Variants in ADARB2 observed in about 807,000 individuals in gnomAD.
ADARB2 encodes adenosine deaminase RNA specific B2 (inactive).
ADARB2 carries 25 observed loss-of-function variants against 62.2 expected under a neutral mutation model. The observed-to-expected ratio is 0.40, with a 90% CI of 0.29 to 0.56. ADARB2 has a LOEUF of 0.56. Ranked by LOEUF, ADARB2 falls within the 20% of genes least tolerant of loss-of-function variation. The pLI is 0.43. For missense variants in ADARB2, 1,071 were observed against 1,077.4 expected (o/e 0.99, Z 0.08); for synonymous variants, 572 against 500.8 (o/e 1.14, Z -1.90).
At chr10:1,274,727 A>G (rs1037785035) in intron 3 of ADARB2, among the ~76,000 whole-genome samples, 1 of 152,234 alleles carries the variant, frequency 6.6e-6, no homozygotes, top group Non-Finnish European at 1.5e-5. Context: ...CTGCCCAGGA[A>G]GGTGCCAATA....
intron 1 of ADARB2, among the ~76,000 whole-genome samples, chr10:1,585,990 C>T (rs1230494366): frequency 5.3e-5 from 8 of 152,120 alleles, no homozygotes; most frequent in African/African-American, 7.2e-5. Context: ...GCCAAGATAG[C>T]GCCACTGCAC....
At position 1,582,433 on chromosome 10, in the gene ADARB2, G is replaced by T. The variant is rs117863632; in HGVS notation, c.100+154618C>A. Among the ~76,000 whole-genome samples the T allele has an allele frequency of 2.0e-3, 299 of 152,268 alleles. 1 individual carries two copies. Among genetic ancestry groups the T allele is most frequent in the South Asian group, 0.015 (70 of 4,816 alleles). ...GCCTTAGGAAGCAAAATCCATCCTC[G>T]TGCTGCCCTGGTTTCCCTGGCAGTG... On this transcript the variant is annotated intron_variant, in intron 1 of 9. Coordinates refer to ENST00000381312, the MANE Select transcript of ADARB2 (RefSeq NM_018702.4).
intron 1 of ADARB2, among the ~76,000 whole-genome samples, chr10:1,705,868 A>G (rs533111026): frequency 1.1e-4 from 16 of 150,796 alleles, no homozygotes; most frequent in African/African-American, 3.9e-4. Flanking sequence ...GCTTTGATTG[A>G]TTTTTTTTTT....
At chr10:1,196,078 C>T (rs191658963) in intron 8 of ADARB2, among the ~76,000 whole-genome samples, 8 of 152,240 alleles carry the variant, frequency 5.3e-5, no homozygotes, top group African/African-American at 1.9e-4. Context: ...TCCCAAAACC[C>T]TGTGGGAGCC....
In ADARB2 at chr10:1,671,611, C is replaced by T. The variant is rs912114495; in HGVS notation, c.100+65440G>A. Among the ~76,000 whole-genome samples the T allele has an allele frequency of 2.6e-5, 4 of 152,164 alleles. No individual in the cohort carries two copies. The East Asian group carries it at 7.7e-4, about 29-fold the overall frequency. On this transcript the variant is annotated intron_variant, in intron 1 of 9. Coordinates refer to ENST00000381312, the MANE Select transcript of ADARB2 (RefSeq NM_018702.4). ...CCTCGTGCTTCTCTGGATTCTGTCA[C>T]CTGTTCCAGTCCTGGGAATGGGCTG...
At chr10:1,678,437 A>G (rs1326091502) in intron 1 of ADARB2, 4 of 708,018 alleles carry the variant, frequency 5.6e-6, no homozygotes, top group African/African-American at 3.9e-5. Context: ...CACTCAGGAC[A>G]GTAACGAACA....
chr10:1,388,286 C>T (rs778491538), intron 1 of ADARB2, among the ~76,000 whole-genome samples: 29 of 152,144 alleles, frequency 1.9e-4, no homozygotes, highest in East Asian at 7.7e-4. Context: ...TATTTAATGA[C>T]GAAAGAGTGA....
chr10:1,339,506 G>T (rs1832003663), intron 3 of ADARB2, among the ~76,000 whole-genome samples: 1 of 152,176 alleles, frequency 6.6e-6, no homozygotes, highest in South Asian at 2.1e-4. Flanking sequence ...ACATCCCTAC[G>T]TTTGCTCTGA....
chr10:1,559,937 G>C, intron 1 of ADARB2, among the ~76,000 whole-genome samples: 1 of 152,222 alleles, frequency 6.6e-6, no homozygotes, highest in East Asian at 1.9e-4. Context: ...GCTTCTGATT[G>C]TTAAAGAACC....
rs190512436 is a variant in ADARB2 at position 1,682,492 on chromosome 10, G to A, written c.100+54559C>T. On this transcript the variant is annotated intron_variant, in intron 1 of 9. Transcript: ENST00000381312. ...AAAAATGACCCCAAACCAGAGACCCGAAAGGACCACGGGTATTGGGTAGTC... is the reference window on the plus strand; with the variant it reads ...AAAAATGACCCCAAACCAGAGACCCAAAAGGACCACGGGTATTGGGTAGTC... Among the ~76,000 whole-genome samples the A allele has an allele frequency of 1.1e-3, 173 of 152,340 alleles. 4 individuals carry two copies. Among genetic ancestry groups the A allele is most frequent in the Middle Eastern group, 3.4e-3 (1 of 294 alleles).
intron 1 of ADARB2, among the ~76,000 whole-genome samples, chr10:1,584,346 C>T (rs1833146413): frequency 8.2e-6 from 1 of 122,434 alleles, no homozygotes; most frequent in South Asian, 2.8e-4. Flanking sequence ...AAAAGTCGCC[C>T]CGTATCATAT....
At chr10:1,674,228 G>A (rs913111558) in intron 1 of ADARB2, among the ~76,000 whole-genome samples, 6 of 152,192 alleles carry the variant, frequency 3.9e-5, no homozygotes, top group African/African-American at 1.4e-4. Context: ...ATTTTTTAAA[G>A]CCTCCAACCC....
chr10:1,398,760 G>A lies in ADARB2; in HGVS notation c.101-19600C>T, dbSNP rs1314974776. ...CTCAAATTACCCAGCTCTCGGCTCT[G>A]CGTGGATTGGCGTGCCCGTTTACCT... On this transcript the variant is annotated intron_variant, in intron 1 of 9. Coordinates refer to ENST00000381312, the MANE Select transcript of ADARB2 (RefSeq NM_018702.4). The surrounding 1 kb of genome is among the most constrained non-coding windows in gnomAD (Gnocchi z 4.1). Among the ~76,000 whole-genome samples the A allele has an allele frequency of 1.3e-5, 2 of 152,308 alleles. No homozygotes were observed. Among genetic ancestry groups the A allele is most frequent in the East Asian group, 1.9e-4 (1 of 5,168 alleles).
At chr10:1,453,834 G>A (rs779005547) in intron 1 of ADARB2, among the ~76,000 whole-genome samples, 20 of 152,162 alleles carry the variant, frequency 1.3e-4, no homozygotes, top group Non-Finnish European at 1.8e-4. Flanking sequence ...CTACTGCAAG[G>A]GTTAGTGAGA....
rs571023706 is a variant in ADARB2 at position 1,351,707 on chromosome 10, C to T, written c.1077+11321G>A. 3.6e-4 allele frequency among the ~76,000 whole-genome samples: 55 copies of T among 152,152 alleles called. No homozygotes were observed. The East Asian group carries it at 9.3e-3, about 26-fold the overall frequency. ...CATTAAAACCTAATCACCGTTACCC[C>T]ACTCAATGCCAATATCTCATCCCAC... On this transcript the variant is annotated intron_variant, in intron 3 of 9. Coordinates refer to ENST00000381312, the MANE Select transcript of ADARB2 (RefSeq NM_018702.4).
intron 8 of ADARB2, among the ~76,000 whole-genome samples, chr10:1,192,645 T>C (rs1187646692): frequency 6.6e-6 from 1 of 152,244 alleles, no homozygotes; most frequent in African/African-American, 2.4e-5. Flanking sequence ...TGCTGTGAGA[T>C]AGTCCTAAAA....
At chr10:1,328,755 T>C (rs753216266) in intron 3 of ADARB2, among the ~76,000 whole-genome samples, 1 of 151,968 alleles carries the variant, frequency 6.6e-6, no homozygotes, top group Admixed American at 6.6e-5. Context: ...CTTTGAGATG[T>C]ATGAGGCAGG....
chr10:1,428,444 G>C (rs750443904), intron 1 of ADARB2, among the ~76,000 whole-genome samples: 1 of 151,592 alleles, frequency 6.6e-6, no homozygotes, highest in Non-Finnish European at 1.5e-5. Flanking sequence ...CCATCACCAC[G>C]CCCAGCTAAT....
intron 1 of ADARB2, among the ~76,000 whole-genome samples, chr10:1,663,029 G>T (rs77922214): frequency 4.6e-5 from 7 of 152,224 alleles, no homozygotes; most frequent in African/African-American, 1.4e-4. Flanking sequence ...TAAGTCCAGT[G>T]GATGTGATTA....
Sources: gnomAD v4.1 joint callset for allele counts (sites outside exome capture counted in the v4.1 genomes callset) on GRCh38, gnomAD v4.1.1 for gene constraint, Gnocchi (gnomAD v3.1) non-coding constraint, MANE v1.5 for transcripts, NCBI Gene and HGNC (gene_info 2026-07-23, HGNC 2026-07-21) for gene names.